PDCD11: variants seen among roughly 807,000 people sequenced by gnomAD.
PDCD11 encodes programmed cell death 11, also known as protein RRP5 homolog.
PDCD11 carries 97 observed loss-of-function variants against 198.9 expected under a neutral mutation model. The observed-to-expected ratio is 0.49, with a 90% CI of 0.41 to 0.58. The LOEUF (loss-of-function observed/expected upper bound fraction) is 0.58. Ranked by LOEUF, PDCD11 falls within the 20% of genes least tolerant of loss-of-function variation. The pLI, the probability that PDCD11 is intolerant of heterozygous loss-of-function variation, is 0.00. For synonymous variants in PDCD11, 893 were observed against 918.0 expected (o/e 0.97, Z 0.49); for missense variants, 2,102 against 2,312.7 (o/e 0.91, Z 1.87).
rs1242710211 is a variant in PDCD11 at position 103,443,318 on chromosome 10, G to C, written c.5109G>C (p.Lys1703Asn). Residue 1703 changes from lysine (K) to asparagine (N), a missense_variant, in exon 33 of 36, where the codon AAG (lysine) becomes AAC (asparagine). Lys to Asn is a moderately conservative substitution (Grantham distance 94, BLOSUM62 0). Coordinates refer to ENST00000369797, the MANE Select transcript of PDCD11 (RefSeq NM_014976.2). ...TCCACCTGGCTGACATCTACGCCAA[G>C]TCAGAGAAATTCCAGGTAGGAGGTT... ...VFLHLADIYAKSEKFQEAGEL... is the reference protein window; with the variant it reads ...VFLHLADIYANSEKFQEAGEL... 2 of 1,606,792 alleles carry C rather than the reference G, an allele frequency of 1.2e-6. No individual in the cohort carries two copies. Among genetic ancestry groups the C allele is most frequent in the Non-Finnish European group, 1.7e-6 (2 of 1,174,814 alleles).
intron 7 of PDCD11, 24 bp from the exon 8 acceptor site, chr10:103,409,675 A>T: frequency 6.4e-7 from 1 of 1,568,460 alleles, no homozygotes; most frequent in African/African-American, 1.4e-5. Context: ...ACTTTTTTTT[A>T]TAACTTGTTC....
At chr10:103,413,381 A>T (rs2030922101) in intron 9 of PDCD11, 59 bp downstream of exon 9, 3 of 1,386,928 alleles carry the variant, frequency 2.2e-6, no homozygotes, top group African/African-American at 1.4e-5. Flanking sequence ...TCTGGAGCAC[A>T]GGGGGCCATT....
intron 7 of PDCD11, among the ~76,000 whole-genome samples, chr10:103,408,244 T>C (rs1031803819): frequency 6.6e-6 from 1 of 152,134 alleles, no homozygotes. Flanking sequence ...GACTAGTTGC[T>C]CTGTAGGGCT....
Position 103,440,784 on chromosome 10 carries a change from C to T in PDCD11, c.4491C>T (p.Asp1497=). The change falls in exon 30 of 36, where the codon GAC becomes GAT. Residue 1497 remains aspartate (D), a synonymous_variant. Coordinates refer to ENST00000369797, the MANE Select transcript of PDCD11 (RefSeq NM_014976.2). ...AAGCCGGCCTGTCAGAGGAGGACGA[C>T]AGCCTTGTGGACGTGTACTATCGGG... is the stretch of plus-strand genomic sequence containing the variant. ...PKKAGLSEED[D]SLVDVYYREG... The T allele has an allele frequency of 1.2e-6, 2 of 1,614,138 alleles. No individual in the cohort carries two copies. The highest frequency in any genetic ancestry group is 1.1e-5 in the South Asian group (1 of 91,074).
At chr10:103,414,112 AG>A in intron 10 of PDCD11, 22 bp downstream of exon 10, 2 of 1,604,096 alleles carry the variant, frequency 1.2e-6, no homozygotes, top group Non-Finnish European at 1.7e-6. Flanking sequence ...ATTAACAGGT[AG>A]GGGTGTAGAG....
At chr10:103,401,592 C>A (rs1203670918) in intron 3 of PDCD11, among the ~76,000 whole-genome samples, 1 of 151,920 alleles carries the variant, frequency 6.6e-6, no homozygotes, top group African/African-American at 2.4e-5. Flanking sequence ...TAGATGATAA[C>A]ACCAATATGT....
intron 19 of PDCD11, among the ~76,000 whole-genome samples, chr10:103,424,290 A>G (rs1369427256): frequency 1.3e-5 from 2 of 152,158 alleles, no homozygotes; most frequent in Non-Finnish European, 2.9e-5. Flanking sequence ...ATATTTGGTT[A>G]TTGTCTAAAG....
intron 16 of PDCD11, among the ~76,000 whole-genome samples, chr10:103,420,561 G>A (rs1190670024): frequency 1.3e-5 from 2 of 152,184 alleles, no homozygotes; most frequent in African/African-American, 4.8e-5. Flanking sequence ...CCAAAGTCAT[G>A]GAAGACAGCG....
At chr10:103,398,293 G>A in intron 1 of PDCD11, 123 bp from the exon 2 acceptor site, 2 of 656,838 alleles carry the variant, frequency 3.0e-6, no homozygotes, top group Middle Eastern at 2.5e-4. Flanking sequence ...AACCATCTAT[G>A]TTGTAGTCCT....
In PDCD11 at chr10:103,434,052, G is replaced by T. The variant is rs557100412; in HGVS notation, c.3564+15G>T. 3 of 1,600,146 alleles carry T rather than the reference G, an allele frequency of 1.9e-6. No individual in the cohort carries two copies. Among genetic ancestry groups the T allele is most frequent in the South Asian group, 2.2e-5 (2 of 90,774 alleles). On this transcript the variant is annotated intron_variant, in intron 23 of 35. Transcript: ENST00000369797. Reference sequence around the variant, plus strand: ...TGAGCTTCAAGGTCAGTGTGCTTGAGATCCCTGGAGAGGGGACCCAAGTTC... The same window carrying T: ...TGAGCTTCAAGGTCAGTGTGCTTGATATCCCTGGAGAGGGGACCCAAGTTC...
In PDCD11 at chr10:103,444,661, A is replaced by G. The variant is rs146276124; in HGVS notation, c.5423A>G (p.His1808Arg). 8 of 1,614,030 alleles carry G rather than the reference A, an allele frequency of 5.0e-6. No homozygotes were observed. Among genetic ancestry groups the G allele is most frequent in the Non-Finnish European group, 6.8e-6 (8 of 1,180,030 alleles). Residue 1808 changes from histidine (H) to arginine (R), a missense_variant, in exon 35 of 36, where the codon CAC becomes CGC. Coordinates refer to ENST00000369797, the MANE Select transcript of PDCD11 (RefSeq NM_014976.2). ...GTCTATATCGACATGACCATCAAGC[A>G]CGGCAGCCAGAAGGACGTCCGGTGA... The part of the protein sequence containing the change: ...WSVYIDMTIK[H>R]GSQKDVRDIF...
chr10:103,437,636 C>T (rs940509954), intron 25 of PDCD11, among the ~76,000 whole-genome samples: 40 of 152,056 alleles, frequency 2.6e-4, no homozygotes, highest in Admixed American at 3.3e-4. Context: ...TACAGGCGCC[C>T]GCCACCACGC....
intron 12 of PDCD11, 139 bp downstream of exon 12, chr10:103,415,290 G>C: frequency 1.2e-6 from 1 of 801,752 alleles, no homozygotes; most frequent in Non-Finnish European, 2.0e-6. Flanking sequence ...ATTGGGAAGA[G>C]AAAAGTGAGT....
chr10:103,413,226 C>A lies in PDCD11; in HGVS notation c.1089C>A (p.Asn363Lys), dbSNP rs1164321369. The change falls in exon 9 of 36, where the codon AAC becomes AAA. Residue 363 changes from asparagine (N) to lysine (K), a missense_variant. By Grantham distance (94) the Asn-to-Lys change is moderately conservative (BLOSUM62 0). Coordinates refer to ENST00000369797, the MANE Select transcript of PDCD11 (RefSeq NM_014976.2). The stretch of plus-strand genomic sequence containing the variant: ...CACTCACCCGACTCTCTTGCCAGAA[C>A]CTTGGAGCAGTGCTGGATGATGTTC... ...GRPLTRLSCQ[N>K]LGAVLDDVPV... 1 of 1,614,180 alleles carries A rather than the reference C, an allele frequency of 6.2e-7. No homozygotes were observed. Among genetic ancestry groups the A allele is most frequent in the Non-Finnish European group, 8.5e-7 (1 of 1,180,024 alleles).
intron 26 of PDCD11, 42 bp from the exon 27 acceptor site, chr10:103,438,644 G>A (rs748570435): frequency 1.7e-5 from 28 of 1,613,182 alleles, no homozygotes; most frequent in Non-Finnish European, 2.3e-5. Flanking sequence ...GCATGGGACA[G>A]TGGAGGTTAA....
chr10:103,406,786 A>G lies in PDCD11; in HGVS notation c.866A>G (p.Gln289Arg). The G allele has an allele frequency of 6.2e-7, 1 of 1,612,030 alleles. No individual in the cohort carries two copies. Among genetic ancestry groups the G allele is most frequent in the Non-Finnish European group, 8.5e-7 (1 of 1,178,816 alleles). Residue 289 changes from glutamine (Q) to arginine (R), a missense_variant, in exon 7 of 36, where the codon CAG becomes CGG. By Grantham distance (43) the Gln-to-Arg change is conservative. Coordinates refer to ENST00000369797, the MANE Select transcript of PDCD11 (RefSeq NM_014976.2). ...GGACTGGTGGTCAAAGCTCAGGTAC[A>G]GAAGGTAAGCTGTTATGCTACTACT... ...LPGLVVKAQVQKVTPFGLTLN... is the reference protein window; with the variant it reads ...LPGLVVKAQVRKVTPFGLTLN...
chr10:103,437,322 T>C (rs977826305), intron 25 of PDCD11, among the ~76,000 whole-genome samples: 9 of 152,044 alleles, frequency 5.9e-5, no homozygotes, highest in Non-Finnish European at 1.3e-4. Context: ...AAAAAGTTTT[T>C]TTATAGAGAC....
At position 103,440,323 on chromosome 10, in the gene PDCD11, T is replaced by C. The variant is rs1446239050; in HGVS notation, c.4182T>C (p.Ser1394=). 1 of 1,614,048 alleles carries C rather than the reference T, an allele frequency of 6.2e-7. No homozygotes were observed. The highest frequency in any genetic ancestry group is 8.5e-7 in the Non-Finnish European group (1 of 1,180,002). Residue 1394 remains serine, a synonymous_variant, in exon 29 of 36, where the codon TCT becomes TCC. Transcript: ENST00000369797. ...LNHQKNLVEL[S]FLPGDTGKPD... is the part of the protein sequence containing the mutation. ...ACCAGAAGAACCTGGTAGAGCTGTC[T>C]TTCCTCCCCGGAGACACTGGGAAGC...
chr10:103,407,672 A>G (rs1295172625), intron 7 of PDCD11, among the ~76,000 whole-genome samples: 1 of 152,026 alleles, frequency 6.6e-6, no homozygotes, highest in Non-Finnish European at 1.5e-5. Flanking sequence ...GGCCTCCCAA[A>G]GTGCTGGGAT....
Sources: gnomAD v4.1 joint callset for allele counts (sites outside exome capture counted in the v4.1 genomes callset) on GRCh38, gnomAD v4.1.1 for gene constraint, MANE v1.5 for transcripts, NCBI Gene and HGNC (gene_info 2026-07-23, HGNC 2026-07-21) for gene names.